Variants in IRF2 observed in about 807,000 individuals in gnomAD.
IRF2 encodes the protein interferon regulatory factor 2.
Under a neutral mutation model 40.6 loss-of-function variants are expected in IRF2, and 15 were observed. The observed-to-expected ratio is 0.37, with a 90% CI of 0.25 to 0.57. The LOEUF is 0.57. IRF2 is among the 20% of genes least tolerant of loss of function. The pLI is 0.77. For synonymous variants in IRF2, 151 were observed against 165.5 expected (o/e 0.91, Z 0.67); for missense variants, 317 against 455.7 (o/e 0.70, Z 2.77).
intron 1 of IRF2, among the ~76,000 whole-genome samples, chr4:184,473,648 G>A (rs1739611977): frequency 1.4e-5 from 2 of 141,182 alleles, no homozygotes; most frequent in African/African-American, 2.5e-5. Context: ...CTCCGAGCCC[G>A]CCCTCCCGCC....
intron 6 of IRF2, among the ~76,000 whole-genome samples, chr4:184,404,796 G>A (rs1338563784): frequency 6.6e-6 from 1 of 152,202 alleles, no homozygotes; most frequent in Admixed American, 6.5e-5. Context: ...CCTGGGCCAG[G>A]CTGTCCCTGA....
intron 1 of IRF2, among the ~76,000 whole-genome samples, chr4:184,466,395 T>C (rs1019358833): frequency 2.6e-5 from 4 of 152,192 alleles, no homozygotes; most frequent in African/African-American, 9.7e-5. Context: ...GCCCATTCTA[T>C]TTCCCTGATT....
intron 1 of IRF2, among the ~76,000 whole-genome samples, chr4:184,432,933 T>C (rs921578781): frequency 6.6e-6 from 1 of 152,198 alleles, no homozygotes; most frequent in Non-Finnish European, 1.5e-5. Context: ...AATACATTTC[T>C]GTTGTGTGAG....
rs1484482446 is a variant in IRF2, at chr4:184,408,246, A to G, written c.441T>C (p.Leu147=). Residue 147 remains leucine, a synonymous_variant, in exon 6 of 9, where the codon CTT becomes CTC. Transcript: ENST00000393593. This position sits in a 1 kb window ranked among gnomAD's most constrained non-coding sequence, Gnocchi z 4.9. ...GAGAAAGATCACTTACTCCATTACT[A>G]AGCCCCAGAGATGACTCAACTGGTT... is the stretch of plus-strand genomic sequence containing the variant. ...KQEPVESSLG[L]SNGVSDLSPE... 1 of 1,612,720 alleles carries G rather than the reference A, an allele frequency of 6.2e-7. No individual in the cohort carries two copies. The highest frequency in any genetic ancestry group is 8.5e-7 in the Non-Finnish European group (1 of 1,178,770).
intron 1 of IRF2, among the ~76,000 whole-genome samples, chr4:184,437,733 T>C (rs1471655154): frequency 1.3e-5 from 2 of 151,512 alleles, no homozygotes; most frequent in East Asian, 3.9e-4. Flanking sequence ...CATGCTTCAG[T>C]TTCACGAGTC....
At chr4:184,447,709 G>A (rs557509658) in intron 1 of IRF2, among the ~76,000 whole-genome samples, 46 of 152,336 alleles carry the variant, frequency 3.0e-4, no homozygotes, top group Non-Finnish European at 5.1e-4. Context: ...AAGTCTCACC[G>A]CCGTGATATT....
chr4:184,471,480 A>T (rs1298367973), intron 1 of IRF2, among the ~76,000 whole-genome samples: 4 of 152,234 alleles, frequency 2.6e-5, no homozygotes, highest in Non-Finnish European at 2.9e-5. Context: ...CCTTTTTGGT[A>T]TAAGGCAGAT....
chr4:184,454,000 A>T (rs959899794), intron 1 of IRF2, among the ~76,000 whole-genome samples: 58 of 152,188 alleles, frequency 3.8e-4, no homozygotes, highest in African/African-American at 1.4e-3. Flanking sequence ...AGAGCAACAA[A>T]ATTGCTGCTT....
chr4:184,422,804 G>C (rs1428641471), intron 2 of IRF2, among the ~76,000 whole-genome samples: 2 of 152,180 alleles, frequency 1.3e-5, no homozygotes, highest in Non-Finnish European at 2.9e-5. Flanking sequence ...ACAAGCTAGG[G>C]GGGAGGGAAA....
intron 6 of IRF2, among the ~76,000 whole-genome samples, chr4:184,402,590 T>C (rs778543800): frequency 3.9e-5 from 6 of 152,034 alleles, no homozygotes; most frequent in Non-Finnish European, 8.8e-5. Context: ...GCTCAGGGAC[T>C]CTCCCCTGAA....
intron 1 of IRF2, among the ~76,000 whole-genome samples, chr4:184,473,626 CG>C (rs1739610320): frequency 1.4e-5 from 2 of 148,012 alleles, no homozygotes; most frequent in South Asian, 2.1e-4. Flanking sequence ...CCAGGCCCGG[CG>C]CCCGGCCCGG....
In IRF2 at chr4:184,409,931, GAAAACAA is replaced by G. The variant is rs1021367809; in HGVS notation, c.412-1663_412-1657del. Reference sequence around the variant, plus strand: ...AAAAAAAAAAAAGTCTGCCCCTTCTGAAAACAAAAAACAAAAAACAAAAAAAACCCAC... The same window carrying G: ...AAAAAAAAAAAAGTCTGCCCCTTCTGAAAACAAAAAACAAAAAAAACCCAC... On this transcript the variant is annotated intron_variant, in intron 5 of 8. Transcript: ENST00000393593. Among the ~76,000 whole-genome samples, 8 of 151,464 alleles carry G rather than the reference GAAAACAA, an allele frequency of 5.3e-5. 1 individual carries two copies. The highest frequency in any genetic ancestry group is 4.2e-4 in the South Asian group (2 of 4,816).
rs577378082 is a variant in IRF2 at position 184,445,721 on chromosome 4, G to T, written c.-6-16651C>A. Among the ~76,000 whole-genome samples, 5 of 151,358 alleles carry T rather than the reference G, an allele frequency of 3.3e-5. No homozygotes were observed. In the East Asian group the frequency reaches 9.7e-4, roughly 29 times the overall value. ...AGAGAACATTCTTCTCAAAACAACT[G>T]AGTTTCCTTCTTCCCTTCCTTCCTC... On this transcript the variant is annotated intron_variant, in intron 1 of 8. Coordinates refer to ENST00000393593, the MANE Select transcript of IRF2 (RefSeq NM_002199.4).
chr4:184,458,979 T>A (rs1293039104), intron 1 of IRF2, among the ~76,000 whole-genome samples: 1 of 152,150 alleles, frequency 6.6e-6, no homozygotes, highest in Admixed American at 6.5e-5. Flanking sequence ...TTTTTTTTCA[T>A]CCACTCAGTA....
chr4:184,436,423 C>G (rs56244143), intron 1 of IRF2, among the ~76,000 whole-genome samples: 8,397 of 152,176 alleles, frequency 0.055, 310 homozygotes, highest in Middle Eastern at 0.13. Context: ...AATAAGTTAA[C>G]TGAGGATGTG....
chr4:184,403,113 C>T (rs183477354), intron 6 of IRF2, among the ~76,000 whole-genome samples: 2 of 152,248 alleles, frequency 1.3e-5, no homozygotes, highest in East Asian at 3.9e-4. Context: ...GCTTTATGCC[C>T]TGGTAAGGGA....
intron 1 of IRF2, among the ~76,000 whole-genome samples, chr4:184,460,813 A>G (rs961392214): frequency 1.1e-4 from 17 of 152,186 alleles, no homozygotes; most frequent in African/African-American, 3.6e-4. Flanking sequence ...AGAGGGTACT[A>G]AATGATATCT....
intron 7 of IRF2, among the ~76,000 whole-genome samples, chr4:184,391,078 A>G (rs952036978): frequency 3.9e-5 from 6 of 152,196 alleles, no homozygotes; most frequent in African/African-American, 1.2e-4. Context: ...CTGTCTTTCA[A>G]TCCATGCCAA....
chr4:184,428,842 A>G (rs763257479), intron 2 of IRF2, 136 bp downstream of exon 2: 2 of 755,184 alleles, frequency 2.6e-6, no homozygotes, highest in East Asian at 2.5e-5. Context: ...ATGTTTTATG[A>G]TCATTTTGGG....
Sources: gnomAD v4.1 joint callset for allele counts (sites outside exome capture counted in the v4.1 genomes callset) on GRCh38, gnomAD v4.1.1 for gene constraint, Gnocchi (gnomAD v3.1) non-coding constraint, MANE v1.5 for transcripts, NCBI Gene and HGNC (gene_info 2026-07-23, HGNC 2026-07-21) for gene names.